TRIM36: variants seen among roughly 807,000 people sequenced by gnomAD.
The protein encoded by TRIM36 is E3 ubiquitin-protein ligase TRIM36.
A neutral mutation model predicts 72.4 loss-of-function variants in TRIM36; 42 were observed. That is an observed-to-expected ratio of 0.58 (90% CI 0.45 to 0.75). TRIM36 has a LOEUF of 0.75. Among genes scored for constraint, TRIM36 ranks in the 30% least tolerant of loss-of-function variants. The pLI is 0.00. For missense variants in TRIM36, 913 were observed against 857.1 expected, an observed-to-expected ratio of 1.07 and a Z score of -0.81; for synonymous variants, 315 against 282.8, an observed-to-expected ratio of 1.11 and a Z score of -1.14.
intron 2 of TRIM36, among the ~76,000 whole-genome samples, chr5:115,152,884 T>C (rs1445525012): frequency 3.3e-5 from 5 of 151,966 alleles, no homozygotes; most frequent in African/African-American, 1.2e-4. Flanking sequence ...TTGAAACAAA[T>C]CCTGGAAACG....
intron 1 of TRIM36, among the ~76,000 whole-genome samples, chr5:115,165,818 T>C (rs1212128921): frequency 6.6e-6 from 1 of 152,090 alleles, no homozygotes. Flanking sequence ...TTCCCCCACA[T>C]GCTCAGAAGT....
At chr5:115,160,396 T>A (rs561113996) in intron 2 of TRIM36, among the ~76,000 whole-genome samples, 1 of 152,342 alleles carries the variant, frequency 6.6e-6, no homozygotes, top group South Asian at 2.1e-4. Flanking sequence ...TTATTAAAGA[T>A]CATTTCACAG....
intron 1 of TRIM36, among the ~76,000 whole-genome samples, chr5:115,179,748 G>A (rs1216159135): frequency 6.6e-6 from 1 of 152,232 alleles, no homozygotes; most frequent in East Asian, 1.9e-4. Flanking sequence ...CCCCAAAAGC[G>A]TCCGAAAGTC....
chr5:115,177,883 G>A (rs1333884790), intron 1 of TRIM36: 1 of 1,613,434 alleles, frequency 6.2e-7, no homozygotes, highest in African/African-American at 1.3e-5. Context: ...CTAGTGAAGA[G>A]AGAGACAGAG....
chr5:115,132,476 C>T (rs566640167), intron 8 of TRIM36, among the ~76,000 whole-genome samples: 2 of 148,414 alleles, frequency 1.3e-5, no homozygotes, highest in African/African-American at 5.0e-5. Flanking sequence ...ACAGAGGTTG[C>T]AGTGAGCTAG....
At chr5:115,171,158 G>A (rs748520223), upstream of TRIM36, 80 of 1,614,088 alleles carry the variant, frequency 5.0e-5, no homozygotes, top group Admixed American at 1.7e-5. Flanking sequence ...GTCTGTCGCT[G>A]TGGCAAGTTC....
chr5:115,155,936 G>A (rs1373920466), intron 2 of TRIM36, among the ~76,000 whole-genome samples: 1 of 151,542 alleles, frequency 6.6e-6, no homozygotes, highest in Non-Finnish European at 1.5e-5. Flanking sequence ...TCCTAAAACA[G>A]ATAAAAAAAT....
At chr5:115,171,768 A>G (rs1364193362), upstream of TRIM36, among the ~76,000 whole-genome samples, 2 of 152,366 alleles carry the variant, frequency 1.3e-5, no homozygotes, top group Non-Finnish European at 2.9e-5. Context: ...ACAAAATTCA[A>G]ACATGATGTT....
At chr5:115,166,321 T>C (rs181963338) in intron 1 of TRIM36, among the ~76,000 whole-genome samples, 4 of 152,134 alleles carry the variant, frequency 2.6e-5, no homozygotes, top group African/African-American at 9.6e-5. Flanking sequence ...TCAGCCAGAC[T>C]CTGGCAGATG....
intron 1 of TRIM36, among the ~76,000 whole-genome samples, chr5:115,169,347 C>T (rs761447692): frequency 3.3e-5 from 5 of 152,254 alleles, no homozygotes; most frequent in Non-Finnish European, 7.3e-5. Context: ...CCCCGAGGTG[C>T]TCAGGTGGGC....
intron 9 of TRIM36, among the ~76,000 whole-genome samples, chr5:115,128,758 C>CAAAAAAAAAAAAAAAAAAAAAAAAAAAA (rs58384978): frequency 4.3e-5 from 2 of 47,014 alleles, no homozygotes; most frequent in African/African-American, 7.5e-5. Flanking sequence ...GACTCCGTCT[C>CAAAAAAAAAAAAAAAAAAAAAAAAAAAA]AAAAAAAAAA....
At chr5:115,171,106 G>T (rs1251497920), upstream of TRIM36, 1 of 1,614,224 alleles carries the variant, frequency 6.2e-7, no homozygotes, top group Non-Finnish European at 8.5e-7. Context: ...ATCTCGTTTA[G>T]GTTTTAAAAT....
intron 4 of TRIM36, among the ~76,000 whole-genome samples, chr5:115,144,110 G>A (rs995037133): frequency 2.6e-5 from 4 of 151,896 alleles, no homozygotes; most frequent in South Asian, 4.2e-4. Flanking sequence ...TCCTGACCTC[G>A]TGATCCGCCC....
At chr5:115,137,282 A>G in intron 6 of TRIM36, 81 bp downstream of exon 6, 2 of 1,521,680 alleles carry the variant, frequency 1.3e-6, no homozygotes, top group East Asian at 2.3e-5. Context: ...TTATGGACCA[A>G]TCAGAGCTAA....
At chr5:115,154,143 A>G (rs1051985033) in intron 2 of TRIM36, among the ~76,000 whole-genome samples, 1 of 152,154 alleles carries the variant, frequency 6.6e-6, no homozygotes. Context: ...CTGCATGACA[A>G]TAGTGACACA....
chr5:115,129,617 T>A (rs1342517831), intron 9 of TRIM36, among the ~76,000 whole-genome samples: 5 of 152,190 alleles, frequency 3.3e-5, no homozygotes, highest in African/African-American at 1.2e-4. Flanking sequence ...ATTACCAGGC[T>A]AAGTGAAATA....
At position 115,163,107 on chromosome 5, in the gene TRIM36, G is replaced by C. The variant is rs11241316; in HGVS notation, c.262+411C>G. ...CAGGTAGCTGGGGTTACAGGCACGCGTCACCACACCTAGCTCATTTTGTAT... is the reference window on the plus strand; with the variant it reads ...CAGGTAGCTGGGGTTACAGGCACGCCTCACCACACCTAGCTCATTTTGTAT... On this transcript the variant is annotated intron_variant, in intron 2 of 9. Coordinates refer to ENST00000513154, the MANE Select transcript of TRIM36 (RefSeq NM_001300759.2). Among the ~76,000 whole-genome samples the C allele has an allele frequency of 6.4e-3, 966 of 151,768 alleles. 13 individuals are homozygous for C. Among genetic ancestry groups the C allele is most frequent in the African/African-American group, 0.023 (935 of 41,386 alleles).
At chr5:115,155,378 C>T (rs1467514063) in intron 2 of TRIM36, among the ~76,000 whole-genome samples, 3 of 151,982 alleles carry the variant, frequency 2.0e-5, no homozygotes, top group Non-Finnish European at 4.4e-5. Flanking sequence ...AAACTACGGA[C>T]CAATATCCCT....
intron 2 of TRIM36, among the ~76,000 whole-genome samples, chr5:115,152,727 AAATT>A (rs1164185404): frequency 6.6e-6 from 1 of 152,172 alleles, no homozygotes; most frequent in East Asian, 1.9e-4. Context: ...TCCTAAAAAA[AAATT>A]ATCAGCCAAG....
Sources: gnomAD v4.1 joint callset for allele counts (sites outside exome capture counted in the v4.1 genomes callset) on GRCh38, gnomAD v4.1.1 for gene constraint, MANE v1.5 for transcripts, NCBI Gene and HGNC (gene_info 2026-07-23, HGNC 2026-07-21) for gene names.